ASPM: variants seen among roughly 807,000 people sequenced by gnomAD.
ASPM encodes the protein abnormal spindle-like microcephaly-associated protein.
Under a neutral mutation model 366.4 loss-of-function variants are expected in ASPM, and 256 were observed. The observed-to-expected ratio is 0.70, with a 90% CI of 0.63 to 0.77. The LOEUF (loss-of-function observed/expected upper bound fraction) is 0.77. Ranked by LOEUF, ASPM falls within the 30% of genes least tolerant of loss-of-function variation. The pLI, the probability that ASPM is intolerant of heterozygous loss-of-function variation, is 0.00. For missense variants in ASPM, 4,146 were observed against 4,090.4 expected (o/e 1.01, Z -0.37); for synonymous variants, 1,414 against 1,342.9 (o/e 1.05, Z -1.16).
intron 18 of ASPM, among the ~76,000 whole-genome samples, chr1:197,096,473 G>A (rs1015049382): frequency 6.6e-6 from 1 of 151,734 alleles, no homozygotes; most frequent in Non-Finnish European, 1.5e-5. Flanking sequence ...CCCACATTAT[G>A]TAAATTATCC....
In ASPM at chr1:197,143,643, G is replaced by A. The variant is rs587783255; in HGVS notation, c.609C>T (p.Gly203=). The change falls in exon 3 of 28, where the codon GGC becomes GGT. Residue 203 remains glycine (G), a synonymous_variant. Transcript: ENST00000367409. The part of the protein sequence containing the change: ...QACENLAMNE[G]GPPTENNSLI... ...AAGAATTGTTTTCTGTTGGGGGACC[G>A]CCTTCATTCATAGCCAAGTTTTCAC... The A allele has an allele frequency of 6.2e-6, 10 of 1,613,088 alleles. No homozygotes were observed. Among genetic ancestry groups the A allele is most frequent in the African/African-American group, 2.7e-5 (2 of 74,884 alleles).
rs775031676 is a variant in ASPM at position 197,122,562 on chromosome 1, G to A, written c.3424C>T (p.Arg1142Cys). ...ENFTVSFSDG[R>C]VLCYLIHHYH... Reference sequence around the variant, plus strand: ...TGGTGGATCAGGTAACATAACACACGGCCGTCTGAGAAAGACACTGTAAAA... The same window carrying A: ...TGGTGGATCAGGTAACATAACACACAGCCGTCTGAGAAAGACACTGTAAAA... The change falls in exon 14 of 28, where the codon CGT (arginine) becomes TGT (cysteine). Residue 1142 changes from arginine (R) to cysteine (C), a missense_variant. Arg to Cys is a radical substitution (Grantham distance 180, BLOSUM62 -3). Around this residue, in one of 3 missense-constraint regions of ASPM, gnomAD observed 3,624 missense variants for 3,591.7 expected, o/e 1.01. Coordinates refer to ENST00000367409, the MANE Select transcript of ASPM (RefSeq NM_018136.5). 2.5e-6 allele frequency: 4 copies of A among 1,611,228 alleles called. No individual in the cohort carries two copies. The highest frequency in any genetic ancestry group is 1.6e-4 in the Middle Eastern group (1 of 6,078).
chr1:197,114,996 G>C (rs979456786), intron 17 of ASPM, among the ~76,000 whole-genome samples: 1 of 152,056 alleles, frequency 6.6e-6, no homozygotes, highest in Admixed American at 6.5e-5. Flanking sequence ...TGATCTGCCT[G>C]CCTCAGCCTC....
chr1:197,102,566 T>G lies in ASPM; in HGVS notation c.6685A>C (p.Arg2229=). ...TTATACCTTTGAAATTGTATGTTTC[T>G]TTCTTTCATTGCCCAGTATCTTTGC... The part of the protein sequence containing the change: ...VQQRYWAMKE[R]NIQFQRYNKL... Residue 2229 remains arginine, a synonymous_variant, in exon 18 of 28, where the codon AGA becomes CGA. Coordinates refer to ENST00000367409, the MANE Select transcript of ASPM (RefSeq NM_018136.5). 1 of 1,612,274 alleles carries G rather than the reference T, an allele frequency of 6.2e-7. No homozygotes were observed. The highest frequency in any genetic ancestry group is 8.5e-7 in the Non-Finnish European group (1 of 1,179,054).
At position 197,146,294 on chromosome 1, in the gene ASPM, A is replaced by C. The variant is rs1208636788; in HGVS notation, c.144T>G (p.Pro48=). Residue 48 remains proline, a synonymous_variant, in exon 1 of 28, where the codon CCT becomes CCG. Coordinates refer to ENST00000367409, the MANE Select transcript of ASPM (RefSeq NM_018136.5). ...GGAGAACGTCCCCGAAGCAAAGGAA[A>C]GGAGACCTGCAGAAGTGGCTGAGAG... The part of the protein sequence containing the change: ...VLSLSHFCRS[P]FLCFGDVLLG... 17 of 1,614,068 alleles carry C rather than the reference A, an allele frequency of 1.1e-5. No homozygotes were observed. Among genetic ancestry groups the C allele is most frequent in the Non-Finnish European group, 1.4e-5 (17 of 1,180,010 alleles).
Position 197,132,266 on chromosome 1 carries a change from AC to A in ASPM, c.2487+18del, listed in dbSNP as rs752298948. The A allele has an allele frequency of 2.6e-6, 4 of 1,566,488 alleles. No individual in the cohort carries two copies. The highest frequency in any genetic ancestry group is 3.5e-6 in the Non-Finnish European group (4 of 1,150,102). ...ATAATAAAAAAATATTATTTTAGAA[AC>A]CTGAAATATATGCTTACCTCTAGAC... On this transcript the variant is annotated intron_variant, in intron 7 of 27. Coordinates refer to ENST00000367409, the MANE Select transcript of ASPM (RefSeq NM_018136.5).
intron 10 of ASPM, among the ~76,000 whole-genome samples, chr1:197,127,125 T>C (rs771334052): frequency 1.1e-4 from 16 of 152,204 alleles, no homozygotes; most frequent in Admixed American, 1.3e-4. Flanking sequence ...GTTCTTTCAA[T>C]TGGTCTCCAT....
At chr1:197,141,124 C>T (rs767484429) in intron 3 of ASPM, among the ~76,000 whole-genome samples, 7 of 151,930 alleles carry the variant, frequency 4.6e-5, no homozygotes, top group Non-Finnish European at 8.8e-5. Flanking sequence ...CATGCAAAAC[C>T]CTCCCTACTG....
chr1:197,115,634 G>T (rs1181725498), intron 17 of ASPM, among the ~76,000 whole-genome samples: 1 of 152,198 alleles, frequency 6.6e-6, no homozygotes, highest in Non-Finnish European at 1.5e-5. Context: ...AATGGATGTT[G>T]TGTTAGCAGG....
At chr1:197,117,553 G>A (rs1228092040) in intron 17 of ASPM, among the ~76,000 whole-genome samples, 6 of 152,090 alleles carry the variant, frequency 3.9e-5, no homozygotes, top group Non-Finnish European at 5.9e-5. Context: ...ACAAAGAAGA[G>A]AGCAACAGGT....
chr1:197,126,495 T>C (rs1192043435), intron 10 of ASPM, among the ~76,000 whole-genome samples: 4 of 91,550 alleles, frequency 4.4e-5, no homozygotes, highest in Non-Finnish European at 9.1e-5. Context: ...TGTGGAAAAA[T>C]AGCACTGAAC....
chr1:197,106,901 T>C (rs1280964067), intron 17 of ASPM, among the ~76,000 whole-genome samples: 1 of 152,152 alleles, frequency 6.6e-6, no homozygotes, highest in Non-Finnish European at 1.5e-5. Flanking sequence ...TTCTTTCTAC[T>C]CTACCACAGA....
rs147100928 is a variant in ASPM, at chr1:197,102,534, C to G, written c.6717G>C (p.Leu2239=). ...CCTGAATGTATATTACAGAATGCCT[C>G]AGTTTGTTATACCTTTGAAATTGTA... ...RNIQFQRYNK[L]RHSVIYIQAI... Residue 2239 remains leucine, a synonymous_variant, in exon 18 of 28, where the codon CTG becomes CTC. Coordinates refer to ENST00000367409, the MANE Select transcript of ASPM (RefSeq NM_018136.5). 1,482 of 1,612,484 alleles carry G rather than the reference C, an allele frequency of 9.2e-4. 3 individuals carry two copies. The highest frequency in any genetic ancestry group is 1.1e-3 in the Non-Finnish European group (1,342 of 1,179,170).
intron 4 of ASPM, among the ~76,000 whole-genome samples, chr1:197,136,992 A>G (rs575501182): frequency 8.5e-5 from 13 of 152,272 alleles, no homozygotes; most frequent in Admixed American, 7.2e-4. Context: ...TGTGCCCTAA[A>G]AAAACCCTAT....
intron 18 of ASPM, among the ~76,000 whole-genome samples, chr1:197,096,903 G>A (rs958355013): frequency 1.3e-5 from 2 of 151,532 alleles, no homozygotes; most frequent in Non-Finnish European, 3.0e-5. Flanking sequence ...TATAAAAAAG[G>A]AAAAAAATCC....
chr1:197,125,774 G>A (rs1418776188), intron 10 of ASPM, among the ~76,000 whole-genome samples: 20 of 151,812 alleles, frequency 1.3e-4, no homozygotes, highest in Admixed American at 1.2e-3. Context: ...ATACACGCAC[G>A]AATATTTGAG....
At chr1:197,127,507 A>G (rs895097276) in intron 10 of ASPM, among the ~76,000 whole-genome samples, 1 of 152,210 alleles carries the variant, frequency 6.6e-6, no homozygotes, top group Non-Finnish European at 1.5e-5. Context: ...CTTGACCCCA[A>G]AAGTGCTTCC....
At position 197,100,509 on chromosome 1, in the gene ASPM, G is replaced by C; in HGVS notation, c.8742C>G (p.Ile2914Met). ...QVYLQIRSSV[I>M]IIQARSKGFI... ...ATCCTTTACTTCTAGCTTGAATAAT[G>C]ATAACACTGCTTCTGATCTGTAAAT... is the stretch of plus-strand genomic sequence containing the variant. The change falls in exon 18 of 28, where the codon ATC becomes ATG. Residue 2914 changes from isoleucine (I) to methionine (M), a missense_variant. Ile to Met is a conservative substitution (Grantham distance 10). This residue lies in a region of ASPM where 3,624 missense variants were observed against 3,591.7 expected (regional missense o/e 1.01). Transcript: ENST00000367409. The C allele has an allele frequency of 6.2e-7, 1 of 1,610,316 alleles. No homozygotes were observed. Among genetic ancestry groups the C allele is most frequent in the African/African-American group, 1.3e-5 (1 of 74,786 alleles).
chr1:197,103,942 T>C lies in ASPM; in HGVS notation c.5309A>G (p.Tyr1770Cys), dbSNP rs1249218186. The change falls in exon 18 of 28, where the codon TAT becomes TGT. Residue 1770 changes from tyrosine (Y) to cysteine (C), a missense_variant. Transcript: ENST00000367409. ...AATTGCTTTATACATTTTCAGATAA[T>C]ACTGCCGAGCCTTTCTCATTCTGAA... is the stretch of plus-strand genomic sequence containing the variant. The part of the protein sequence containing the change: ...SYFRMRKARQ[Y>C]YLKMYKAIIV... The C allele has an allele frequency of 6.2e-7, 1 of 1,612,630 alleles. No homozygotes were observed. The highest frequency in any genetic ancestry group is 1.7e-5 in the Admixed American group (1 of 59,816).
Sources: gnomAD v4.1 joint callset for allele counts (sites outside exome capture counted in the v4.1 genomes callset) on GRCh38, gnomAD v4.1.1 for gene constraint, gnomAD v4.1.1 regional missense constraint, MANE v1.5 for transcripts, NCBI Gene and HGNC (gene_info 2026-07-23, HGNC 2026-07-21) for gene names.